The following MAST4 variants were observed in gnomAD, a reference collection of about 807,000 sequenced individuals.
The protein encoded by MAST4 is microtubule-associated serine/threonine-protein kinase 4.
In MAST4, 89 loss-of-function variants were observed where a neutral mutation model predicts 162.7. The observed-to-expected ratio is 0.55, with a 90% CI of 0.46 to 0.65. The LOEUF (loss-of-function observed/expected upper bound fraction) is 0.65, where lower values mean the gene tolerates loss of function less well. Among genes scored for constraint, MAST4 ranks in the 30% least tolerant of loss-of-function variants. The pLI, the probability that MAST4 is intolerant of heterozygous loss-of-function variation, is 0.00. For missense variants in MAST4, 3,153 were observed against 3,374.0 expected, an observed-to-expected ratio of 0.93 and a Z score of 1.62; for synonymous variants, 1,479 against 1,361.1, an observed-to-expected ratio of 1.09 and a Z score of -1.91.
intron 5 of MAST4, among the ~76,000 whole-genome samples, chr5:67,071,520 AGGGGGGGGCG>A: frequency 6.7e-6 from 1 of 148,204 alleles, no homozygotes; most frequent in East Asian, 2.0e-4. Flanking sequence ...TGGAAGGCCA[AGGGGGGGGCG>A]GGGTGTATCA....
chr5:67,057,610 G>GAAAGA (rs61687815), intron 5 of MAST4, among the ~76,000 whole-genome samples: 5,802 of 144,252 alleles, frequency 0.04, 448 homozygotes, highest in African/African-American at 0.14. Context: ...AAAAAAGAAG[G>GAAAGA]AAAGAAAAGA....
At chr5:67,013,043 T>C (rs567542284) in intron 4 of MAST4, among the ~76,000 whole-genome samples, 1 of 152,342 alleles carries the variant, frequency 6.6e-6, no homozygotes, top group Non-Finnish European at 1.5e-5. Flanking sequence ...CATTGCTTAC[T>C]TTATTATAGA....
chr5:66,645,845 C>G lies in MAST4; in HGVS notation c.363+48827C>G, dbSNP rs181904292. 9.8e-5 allele frequency among the ~76,000 whole-genome samples: 15 copies of G among 152,296 alleles called. No homozygotes were observed. The East Asian group carries it at 2.7e-3, about 27-fold the overall frequency. On this transcript the variant is annotated intron_variant, in intron 1 of 28. Transcript: ENST00000403625. ...AACTTTTTGTCCTTCAAATTCTAGT[C>G]CATTCCACCTTTCTTTCCTTTTCCT...
chr5:66,639,823 T>G (rs1164699246), intron 1 of MAST4, among the ~76,000 whole-genome samples: 1 of 152,158 alleles, frequency 6.6e-6, no homozygotes, highest in Non-Finnish European at 1.5e-5. Flanking sequence ...TTATTTTTAT[T>G]TTAAAATTTT....
intron 3 of MAST4, among the ~76,000 whole-genome samples, chr5:66,831,924 C>T (rs539130665): frequency 6.6e-6 from 1 of 152,260 alleles, no homozygotes; most frequent in African/African-American, 2.4e-5. Flanking sequence ...CCTTTTGGGC[C>T]TAATATTCCT....
chr5:67,062,772 G>GT (rs984216735), intron 5 of MAST4, among the ~76,000 whole-genome samples: 2 of 151,686 alleles, frequency 1.3e-5, no homozygotes, highest in Admixed American at 6.6e-5. Flanking sequence ...TTTCTTTTTT[G>GT]TTTTTTCAAA....
chr5:66,652,627 CAAGCTGAGAGAG>C (rs1746302620), intron 1 of MAST4, among the ~76,000 whole-genome samples: 1 of 152,160 alleles, frequency 6.6e-6, no homozygotes, highest in African/African-American at 2.4e-5. Context: ...ATCTTTAATG[CAAGCTGAGAGAG>C]AATAACATCG....
At chr5:66,616,054 C>G (rs773675197) in intron 1 of MAST4, among the ~76,000 whole-genome samples, 4 of 152,218 alleles carry the variant, frequency 2.6e-5, no homozygotes, top group Non-Finnish European at 4.4e-5. Flanking sequence ...TTCATAGCCA[C>G]AGCAGTTGCC....
chr5:66,942,716 T>C (rs1410442543), intron 4 of MAST4, among the ~76,000 whole-genome samples: 2 of 152,150 alleles, frequency 1.3e-5, no homozygotes, highest in Non-Finnish European at 2.9e-5. Context: ...CCATGATCGA[T>C]GTCATGCTTC....
chr5:66,771,192 T>C (rs191956979), intron 2 of MAST4, among the ~76,000 whole-genome samples: 309 of 152,200 alleles, frequency 2.0e-3, no homozygotes, highest in Non-Finnish European at 3.3e-3. Flanking sequence ...CTTTCTTTTT[T>C]TTTTTTATTT....
intron 4 of MAST4, among the ~76,000 whole-genome samples, chr5:67,034,507 A>T (rs1391496597): frequency 6.6e-6 from 1 of 152,156 alleles, no homozygotes; most frequent in African/African-American, 2.4e-5. Flanking sequence ...GAAATTCAAT[A>T]GCGAGAGTCA....
intron 3 of MAST4, among the ~76,000 whole-genome samples, chr5:66,847,836 AAAAAAAAG>A (rs1180307916): frequency 6.6e-6 from 1 of 151,040 alleles, no homozygotes; most frequent in African/African-American, 2.4e-5. Flanking sequence ...AAAAAAAAAA[AAAAAAAAG>A]AAAAACCTTA....
At chr5:66,897,758 G>A (rs1762777412) in intron 3 of MAST4, among the ~76,000 whole-genome samples, 1 of 152,150 alleles carries the variant, frequency 6.6e-6, no homozygotes, top group Admixed American at 6.5e-5. Flanking sequence ...GCAGTGCTGG[G>A]TTACCCACTG....
rs546674991 is a variant in MAST4, at chr5:67,118,846, G to T, written c.1659+97G>T. 3.0e-5 allele frequency: 21 copies of T among 707,446 alleles called. No homozygotes were observed. In the African/African-American group the frequency reaches 3.6e-4, roughly 12 times the overall value. The allele number at this position is 707,446 out of a possible 1,614,324, so 43.8% of individuals were successfully genotyped here. ...TTTATTTGTTCAACAAATGTTTATT[G>T]TGCTTCTATGTGAATATATGAATAA... On this transcript the variant is annotated intron_variant, in intron 13 of 28. Transcript: ENST00000403625.
Position 67,152,816 on chromosome 5 carries a change from C to T in MAST4, c.3475C>T (p.Arg1159Trp), listed in dbSNP as rs77194622. 4 of 1,614,022 alleles carry T rather than the reference C, an allele frequency of 2.5e-6. No homozygotes were observed. The highest frequency in any genetic ancestry group is 3.4e-6 in the Non-Finnish European group (4 of 1,179,898). ...CTACGGCTTTACCATCCGAGCCATCCGGGTGTATGTGGGAGACAGTGACAT... is the reference window on the plus strand; with the variant it reads ...CTACGGCTTTACCATCCGAGCCATCTGGGTGTATGTGGGAGACAGTGACAT... Reference protein sequence around the residue: ...KNYGFTIRAIRVYVGDSDIYT... With the variant: ...KNYGFTIRAIWVYVGDSDIYT... Residue 1159 changes from arginine (R) to tryptophan (W), a missense_variant, in exon 25 of 29, where the codon CGG (arginine) becomes TGG (tryptophan). Physicochemically the swap from Arg to Trp is moderately radical, Grantham distance 101. This residue lies in a region of MAST4 where 619 missense variants were observed against 744.2 expected (regional missense o/e 0.83). Coordinates refer to ENST00000403625, the MANE Select transcript of MAST4 (RefSeq NM_001164664.2).
rs961217610 is a variant in MAST4, at chr5:66,933,712, G to T, written c.674+33730G>T. ...CCACATGTGGAGATTGCTGAGTTCA[G>T]TGCTTCCCAAACCAAGTGGTAGTAG... On this transcript the variant is annotated intron_variant, in intron 4 of 28. Transcript: ENST00000403625. Among the ~76,000 whole-genome samples the T allele has an allele frequency of 3.3e-5, 5 of 152,294 alleles. No individual in the cohort carries two copies. The East Asian group carries it at 5.8e-4, about 18-fold the overall frequency.
At chr5:66,786,112 G>A (rs1055349557) in intron 2 of MAST4, among the ~76,000 whole-genome samples, 6 of 152,166 alleles carry the variant, frequency 3.9e-5, no homozygotes, top group Admixed American at 2.6e-4. Context: ...CGAGGGATCC[G>A]CTCACCTCGG....
intron 14 of MAST4, among the ~76,000 whole-genome samples, chr5:67,129,557 C>CA (rs1283468466): frequency 6.6e-6 from 1 of 151,418 alleles, no homozygotes; most frequent in African/African-American, 2.4e-5. Flanking sequence ...CTGTCTCTAC[C>CA]AAAAAACAAG....
At chr5:66,611,630 T>C (rs1341167313) in intron 1 of MAST4, among the ~76,000 whole-genome samples, 1 of 152,152 alleles carries the variant, frequency 6.6e-6, no homozygotes, top group Non-Finnish European at 1.5e-5. Context: ...GAAATATGGG[T>C]TTTAAAAAAT....
Sources: gnomAD v4.1 joint callset for allele counts (sites outside exome capture counted in the v4.1 genomes callset) on GRCh38, gnomAD v4.1.1 for gene constraint, gnomAD v4.1.1 regional missense constraint, MANE v1.5 for transcripts, NCBI Gene and HGNC (gene_info 2026-07-23, HGNC 2026-07-21) for gene names.